The following KCNIP1 variants were observed in gnomAD, a reference collection of about 807,000 sequenced individuals.
The protein encoded by KCNIP1 is A-type potassium channel modulatory protein KCNIP1.
KCNIP1 carries 18 observed loss-of-function variants against 33.0 expected under a neutral mutation model. The ratio of observed to expected loss-of-function variants is 0.55; its 90% confidence interval spans 0.38 to 0.81. The LOEUF (loss-of-function observed/expected upper bound fraction) is 0.81, where lower values mean the gene tolerates loss of function less well. Ranked by LOEUF, KCNIP1 falls within the 30% of genes least tolerant of loss-of-function variation. The pLI, the probability that KCNIP1 is intolerant of heterozygous loss-of-function variation, is 0.00. For missense variants in KCNIP1, 238 were observed against 271.6 expected (o/e 0.88, Z 0.87); for synonymous variants, 93 against 98.3 (o/e 0.95, Z 0.32).
intron 1 of KCNIP1, among the ~76,000 whole-genome samples, chr5:170,386,887 T>C (rs1373498201): frequency 1.3e-5 from 2 of 151,952 alleles, no homozygotes; most frequent in Admixed American, 6.6e-5. Context: ...CCCCTGGACA[T>C]TGACTCCACC....
intron 1 of KCNIP1, among the ~76,000 whole-genome samples, chr5:170,479,836 A>G (rs1192017892): frequency 6.6e-6 from 1 of 152,246 alleles, no homozygotes; most frequent in East Asian, 1.9e-4. Context: ...TCCGAATTTT[A>G]TACATCTATT....
At chr5:170,674,129 GAGGAAGGAAGGAAGGAAGGA>G (rs1160032180) in intron 1 of KCNIP1, among the ~76,000 whole-genome samples, 36 of 75,074 alleles carry the variant, frequency 4.8e-4, no homozygotes, top group South Asian at 6.6e-4. Flanking sequence ...GGAAAGCAAT[GAGGAAGGAAGGAAGGAAGGA>G]AGGAAGGAAG....
intron 1 of KCNIP1, among the ~76,000 whole-genome samples, chr5:170,674,335 C>T (rs1233848201): frequency 6.6e-6 from 1 of 152,192 alleles, no homozygotes; most frequent in Non-Finnish European, 1.5e-5. Flanking sequence ...TGAAACATGT[C>T]AATGGATATC....
At chr5:170,395,402 G>A (rs1220010897) in intron 1 of KCNIP1, among the ~76,000 whole-genome samples, 2 of 152,160 alleles carry the variant, frequency 1.3e-5, no homozygotes. Flanking sequence ...AGTTTTCTAG[G>A]TTATGGCTAA....
intron 1 of KCNIP1, among the ~76,000 whole-genome samples, chr5:170,477,121 A>G (rs1215961370): frequency 6.6e-6 from 1 of 152,174 alleles, no homozygotes; most frequent in Non-Finnish European, 1.5e-5. Flanking sequence ...GACTGCTCAA[A>G]AAAGTAGAAG....
intron 1 of KCNIP1, among the ~76,000 whole-genome samples, chr5:170,384,511 G>C (rs528583918): frequency 1.3e-3 from 191 of 152,346 alleles, no homozygotes; most frequent in Non-Finnish European, 2.3e-3. Context: ...TGAGGCTGCA[G>C]CAGGCCCGGG....
chr5:170,495,428 T>C (rs1208964865), intron 1 of KCNIP1, among the ~76,000 whole-genome samples: 1 of 152,182 alleles, frequency 6.6e-6, no homozygotes, highest in Non-Finnish European at 1.5e-5. Flanking sequence ...CACAAGTCAG[T>C]GGCTGTGCAA....
chr5:170,439,828 A>G (rs966366154), intron 1 of KCNIP1, among the ~76,000 whole-genome samples: 1 of 152,172 alleles, frequency 6.6e-6, no homozygotes, highest in Non-Finnish European at 1.5e-5. Context: ...CAGTCTGCTG[A>G]GAAGAAGTGG....
chr5:170,412,244 T>C (rs1755213518), intron 1 of KCNIP1, among the ~76,000 whole-genome samples: 5 of 151,876 alleles, frequency 3.3e-5, no homozygotes, highest in Admixed American at 3.3e-4. Flanking sequence ...CATTTTTTTT[T>C]AGGTCATGCA....
intron 1 of KCNIP1, among the ~76,000 whole-genome samples, chr5:170,674,005 G>A (rs1581480378): frequency 6.6e-6 from 1 of 152,100 alleles, no homozygotes; most frequent in African/African-American, 2.4e-5. Context: ...TGCTAAAGCA[G>A]GTTGTCTCCA....
intron 1 of KCNIP1, among the ~76,000 whole-genome samples, chr5:170,542,910 T>A (rs577883869): frequency 6.6e-6 from 1 of 152,338 alleles, no homozygotes; most frequent in South Asian, 2.1e-4. Context: ...GGGGGACTAC[T>A]GTAATTTACT....
intron 1 of KCNIP1, among the ~76,000 whole-genome samples, chr5:170,611,719 GA>G (rs772006588): frequency 1.8e-4 from 27 of 152,212 alleles, no homozygotes; most frequent in Admixed American, 3.3e-4. Context: ...GTTTTCAGAG[GA>G]AAGAGCAGGA....
intron 1 of KCNIP1, chr5:170,377,316 TGA>T (rs997514194): frequency 1.3e-5 from 2 of 152,256 alleles, no homozygotes; most frequent in African/African-American, 4.8e-5. Context: ...GACAGGGGCC[TGA>T]GAGTGTGCAT....
intron 5 of KCNIP1, among the ~76,000 whole-genome samples, chr5:170,724,333 C>G (rs933625213): frequency 3.9e-5 from 6 of 152,096 alleles, no homozygotes; most frequent in Non-Finnish European, 7.4e-5. Context: ...TGAAAGGAAA[C>G]AACTACAAAA....
At chr5:170,420,144 C>T (rs1291320235) in intron 1 of KCNIP1, among the ~76,000 whole-genome samples, 2 of 152,222 alleles carry the variant, frequency 1.3e-5, no homozygotes, top group East Asian at 3.9e-4. Flanking sequence ...TAACCCAATA[C>T]AGTTGAGGCT....
chr5:170,681,866 T>C (rs1420763336), intron 1 of KCNIP1, among the ~76,000 whole-genome samples: 2 of 152,324 alleles, frequency 1.3e-5, no homozygotes, highest in South Asian at 2.1e-4. Flanking sequence ...GAGATATTGT[T>C]CCAAATAGAA....
At chr5:170,577,158 A>G (rs1170750343) in intron 1 of KCNIP1, among the ~76,000 whole-genome samples, 1 of 152,214 alleles carries the variant, frequency 6.6e-6, no homozygotes, top group East Asian at 1.9e-4. Context: ...GAGTGTTAGT[A>G]CATCAGATCC....
At chr5:170,367,497 C>T (rs1428618304) in intron 1 of KCNIP1, among the ~76,000 whole-genome samples, 1 of 151,958 alleles carries the variant, frequency 6.6e-6, no homozygotes, top group African/African-American at 2.4e-5. Flanking sequence ...CAAGACCTGG[C>T]ATAGAGTAGG....
At chr5:170,407,815 G>A (rs1423748543) in intron 1 of KCNIP1, among the ~76,000 whole-genome samples, 1 of 152,182 alleles carries the variant, frequency 6.6e-6, no homozygotes, top group Non-Finnish European at 1.5e-5. Context: ...ATGTCATAGC[G>A]GATTTATGGG....
Sources: gnomAD v4.1 joint callset for allele counts (sites outside exome capture counted in the v4.1 genomes callset) on GRCh38, gnomAD v4.1.1 for gene constraint, MANE v1.5 for transcripts, NCBI Gene and HGNC (gene_info 2026-07-23, HGNC 2026-07-21) for gene names.